The following CHD1L variants were observed in gnomAD, a reference collection of about 807,000 sequenced individuals.
CHD1L encodes chromodomain helicase DNA binding protein 1 like.
A neutral mutation model predicts 115.9 loss-of-function variants in CHD1L; 118 were observed. The observed-to-expected ratio is 1.02, with a 90% confidence interval of 0.88 to 1.19. CHD1L has a LOEUF of 1.19. Ranked by LOEUF, CHD1L falls within the 50% of genes most tolerant of loss-of-function variation. The pLI is 0.00. For missense variants in CHD1L, 1,179 were observed against 1,065.3 expected (o/e 1.11, Z -1.49); for synonymous variants, 411 against 387.1 (o/e 1.06, Z -0.72).
chr1:147,178,958 G>C, the CHD1L span: 1 of 1,612,630 alleles, frequency 6.2e-7, no homozygotes, highest in South Asian at 1.1e-5. Flanking sequence ...TGGAGAAACA[G>C]GGTAATGATG....
At chr1:147,241,150 T>C (rs1553930792), upstream of CHD1L, among the ~76,000 whole-genome samples, 1 of 152,182 alleles carries the variant, frequency 6.6e-6, no homozygotes, top group Non-Finnish European at 1.5e-5. Context: ...TTCAGTACCA[T>C]AGAGTGCTTG....
the CHD1L span, among the ~76,000 whole-genome samples, chr1:147,218,223 A>G: frequency 6.9e-6 from 1 of 145,784 alleles, no homozygotes; most frequent in East Asian, 2.0e-4. Flanking sequence ...TTAGTAAATT[A>G]TAGTATCTCA....
chr1:147,179,637 C>T, the CHD1L span: 1 of 1,417,690 alleles, frequency 7.1e-7, no homozygotes, highest in Admixed American at 1.7e-5. Flanking sequence ...AAGCAGTAGG[C>T]AAACACCACT....
chr1:147,266,786 T>C (rs1674095800), intron 8 of CHD1L, among the ~76,000 whole-genome samples: 1 of 152,214 alleles, frequency 6.6e-6, no homozygotes, highest in South Asian at 2.1e-4. Flanking sequence ...TGAAAAACAA[T>C]TATATGCTGA....
the CHD1L span, among the ~76,000 whole-genome samples, chr1:147,193,022 A>G: frequency 3.8e-4 from 58 of 152,180 alleles, no homozygotes; most frequent in Admixed American, 1.0e-3. Flanking sequence ...TGCTGGCCTC[A>G]TAAAATGAGT....
At position 147,286,287 on chromosome 1, in the gene CHD1L, G is replaced by T. The variant is rs782133319; in HGVS notation, c.2019-11G>T. On this transcript the variant is annotated splice_polypyrimidine_tract_variant and intron_variant, in intron 17 of 22. Transcript: ENST00000369258. ...CTGGGTTAATTTCCTTTTGTCTCTG[G>T]CCTGCTAAAGGATGGCCTGGTGGGA... 9 of 1,612,442 alleles carry T rather than the reference G, an allele frequency of 5.6e-6. No individual in the cohort carries two copies. The African/African-American group carries it at 9.3e-5, about 17-fold the overall frequency.
At chr1:147,225,113 T>A in the CHD1L span, 4 of 1,601,422 alleles carry the variant, frequency 2.5e-6, no homozygotes, top group Non-Finnish European at 3.4e-6. Context: ...CGGTTAACAT[T>A]TTTCAAGGAA....
In CHD1L at chr1:147,291,506, T is replaced by C. The variant is rs76912870; in HGVS notation, c.2345T>C (p.Leu782Ser). The C allele has an allele frequency of 6.8e-5, 110 of 1,614,044 alleles. 1 individual carries two copies. The East Asian group carries it at 2.4e-3, about 35-fold the overall frequency. The stretch of plus-strand genomic sequence containing the variant: ...GACCTGAGTTTGGGAGGTGTCCTTT[T>C]ATTTCCTGTTGATGATAAAGAATCA... ...MKDLSLGGVL[L>S]FPVDDKESRN... The change falls in exon 20 of 23, where the codon TTA (leucine) becomes TCA (serine). Residue 782 changes from leucine to serine, a missense_variant. By Grantham distance (145) the Leu-to-Ser change is moderately radical (BLOSUM62 -2). Transcript: ENST00000369258.
At chr1:147,198,850 CAAAAAAAAA>C in the CHD1L span, among the ~76,000 whole-genome samples, 1 of 51,764 alleles carries the variant, frequency 1.9e-5, no homozygotes, top group Non-Finnish European at 3.6e-5. Flanking sequence ...GACTGCATCT[CAAAAAAAAA>C]AAAAAAAAAA....
At chr1:147,181,269 C>T in the CHD1L span, among the ~76,000 whole-genome samples, 4 of 152,252 alleles carry the variant, frequency 2.6e-5, no homozygotes, top group Middle Eastern at 3.4e-3. Context: ...TTCTTACCAC[C>T]TTAACTGATA....
At position 147,284,420 on chromosome 1, in the gene CHD1L, T is replaced by G; in HGVS notation, c.1775T>G (p.Phe592Cys). ...CCCAGTAAGGAAGACAGAAAATCAT[T>G]TGAACAACTGGTAAACCTTCAGAAA... is the stretch of plus-strand genomic sequence containing the variant. ...KEPSKEDRKS[F>C]EQLVNLQKTL... Residue 592 changes from phenylalanine to cysteine, a missense_variant, in exon 16 of 23, where the codon TTT becomes TGT. Transcript: ENST00000369258. 3 of 1,612,448 alleles carry G rather than the reference T, an allele frequency of 1.9e-6. No homozygotes were observed. The South Asian group carries it at 3.3e-5, about 18-fold the overall frequency.
the CHD1L span, among the ~76,000 whole-genome samples, chr1:147,198,741 C>G: frequency 8.0e-5 from 12 of 149,268 alleles, no homozygotes; most frequent in Admixed American, 4.8e-4. Flanking sequence ...GTCCCAGCTA[C>G]TGGGGAGGCT....
At chr1:147,265,047 G>C (rs1235774532) in intron 7 of CHD1L, among the ~76,000 whole-genome samples, 1 of 152,188 alleles carries the variant, frequency 6.6e-6, no homozygotes, top group Non-Finnish European at 1.5e-5. Flanking sequence ...ATACAGCCAA[G>C]AGTTGTAGTC....
chr1:147,272,366 C>A, intron 12 of CHD1L, 85 bp downstream of exon 12: 2 of 941,126 alleles, frequency 2.1e-6, no homozygotes, highest in South Asian at 3.0e-5. Context: ...CACTTTTTTC[C>A]TTAATTCTCT....
chr1:147,276,497 C>T (rs921142876), intron 14 of CHD1L, among the ~76,000 whole-genome samples: 1 of 152,188 alleles, frequency 6.6e-6, no homozygotes. Context: ...CTTAGATCTA[C>T]TCTTTTTGCA....
intron 21 of CHD1L, 119 bp downstream of exon 21, chr1:147,293,841 C>T: frequency 1.3e-6 from 1 of 759,954 alleles, no homozygotes; most frequent in South Asian, 1.7e-5. Flanking sequence ...AAAGGCAAAC[C>T]ACAGAAGTGA....
At chr1:147,267,176 A>C (rs1381191039) in intron 8 of CHD1L, among the ~76,000 whole-genome samples, 1 of 152,264 alleles carries the variant, frequency 6.6e-6, no homozygotes, top group Admixed American at 6.5e-5. Flanking sequence ...TAGAATTTGC[A>C]AAAGAGTAAC....
chr1:147,264,542 T>G lies in CHD1L; in HGVS notation c.697T>G (p.Phe233Val), dbSNP rs1379671655. 2 of 1,613,924 alleles carry G rather than the reference T, an allele frequency of 1.2e-6. No individual in the cohort carries two copies. The highest frequency in any genetic ancestry group is 1.7e-6 in the Non-Finnish European group (2 of 1,179,956). Residue 233 changes from phenylalanine (F) to valine (V), a missense_variant, in exon 7 of 23, where the codon TTT (phenylalanine) becomes GTT (valine). Physicochemically the swap from Phe to Val is conservative, Grantham distance 50. Coordinates refer to ENST00000369258, the MANE Select transcript of CHD1L (RefSeq NM_004284.6). ...CTTTTCCAAGGAAGAGGTGGGAGAT[T>G]TTATTCAACGCTACCAGGATATTGA... ...DLFSKEEVGD[F>V]IQRYQDIEKE... is the part of the protein sequence containing the mutation.
chr1:147,228,568 C>T, the CHD1L span, among the ~76,000 whole-genome samples: 1 of 151,610 alleles, frequency 6.6e-6, no homozygotes, highest in African/African-American at 2.4e-5. Context: ...AGTTCTAGAT[C>T]CCTGAGGAAT....
Sources: gnomAD v4.1 joint callset for allele counts (sites outside exome capture counted in the v4.1 genomes callset) on GRCh38, gnomAD v4.1.1 for gene constraint, MANE v1.5 for transcripts, NCBI Gene and HGNC (gene_info 2026-07-23, HGNC 2026-07-21) for gene names.